Variants in FSTL4 observed in about 807,000 individuals in gnomAD.
FSTL4 encodes the protein follistatin-related protein 4.
In FSTL4, 28 loss-of-function variants were observed where a neutral mutation model predicts 78.2. That is an observed-to-expected ratio of 0.36 (90% CI 0.27 to 0.49). FSTL4 has a LOEUF of 0.49. Among genes scored for constraint, FSTL4 ranks in the 20% least tolerant of loss-of-function variants. FSTL4 has a pLI of 0.98. For missense variants in FSTL4, 922 were observed against 1,084.9 expected (o/e 0.85, Z 2.11); for synonymous variants, 422 against 440.5 (o/e 0.96, Z 0.53).
At chr5:133,589,598 T>C (rs1760582011) in intron 2 of FSTL4, among the ~76,000 whole-genome samples, 1 of 151,940 alleles carries the variant, frequency 6.6e-6, no homozygotes, top group Middle Eastern at 3.2e-3. Context: ...GGAGGGGGAA[T>C]AGGGGCAGAA....
At chr5:133,734,185 G>A in the FSTL4 span, among the ~76,000 whole-genome samples, 11 of 152,292 alleles carry the variant, frequency 7.2e-5, no homozygotes, top group African/African-American at 2.4e-4. Flanking sequence ...CCAAAAATGT[G>A]AGAACATCTT....
At chr5:133,702,011 A>G in the FSTL4 span, among the ~76,000 whole-genome samples, 16 of 152,158 alleles carry the variant, frequency 1.1e-4, no homozygotes, top group Non-Finnish European at 7.4e-5. Flanking sequence ...TGCTCCCTTG[A>G]CAGGCAGCCC....
chr5:133,731,715 C>A, the FSTL4 span, among the ~76,000 whole-genome samples: 3 of 152,086 alleles, frequency 2.0e-5, no homozygotes, highest in Non-Finnish European at 4.4e-5. Flanking sequence ...AGAGGGGCTG[C>A]CGGCCGGCAG....
chr5:133,524,585 A>G lies in FSTL4; in HGVS notation c.160+42601T>C, dbSNP rs981627019. 3.3e-5 allele frequency among the ~76,000 whole-genome samples: 5 copies of G among 152,230 alleles called. No individual in the cohort carries two copies. The East Asian group carries it at 9.6e-4, about 29-fold the overall frequency. ...GAAGCCTGCTGTAGACAGGGGCACC[A>G]CAGAACGTGTGCTTCTTCCAAGCTG... is the stretch of plus-strand genomic sequence containing the variant. On this transcript the variant is annotated intron_variant, in intron 3 of 15. Transcript: ENST00000265342.
the FSTL4 span, among the ~76,000 whole-genome samples, chr5:133,825,316 C>T: frequency 1.6e-3 from 237 of 152,312 alleles, 4 homozygotes; most frequent in East Asian, 0.028. Context: ...GCAGGTCTTT[C>T]AGGTGGGCAC....
At chr5:133,265,520 C>T (rs578167619) in intron 6 of FSTL4, among the ~76,000 whole-genome samples, 1 of 152,318 alleles carries the variant, frequency 6.6e-6, no homozygotes, top group East Asian at 1.9e-4. Context: ...CTGTCTGGGG[C>T]CTCTGGGGCA....
At chr5:133,772,302 C>T in the FSTL4 span, among the ~76,000 whole-genome samples, 15 of 152,256 alleles carry the variant, frequency 9.9e-5, no homozygotes, top group African/African-American at 3.4e-4. Context: ...GGCCATCTCT[C>T]TTATCTTGTC....
Position 133,239,708 on chromosome 5 carries a change from G to A in FSTL4, c.895-6171C>T, listed in dbSNP as rs13153435. 5.8e-3 allele frequency among the ~76,000 whole-genome samples: 885 copies of A among 152,292 alleles called. 5 individuals are homozygous for A. The highest frequency in any genetic ancestry group is 0.014 in the East Asian group (72 of 5,182). Reference sequence around the variant, plus strand: ...AATCAGCACCCTGTGTCTAGCTCAGGGTTTGTGAATGCACCAATCGGCACT... The same window carrying A: ...AATCAGCACCCTGTGTCTAGCTCAGAGTTTGTGAATGCACCAATCGGCACT... On this transcript the variant is annotated intron_variant, in intron 7 of 15. Coordinates refer to ENST00000265342, the MANE Select transcript of FSTL4 (RefSeq NM_015082.2).
the FSTL4 span, among the ~76,000 whole-genome samples, chr5:133,832,260 T>C: frequency 1.3e-5 from 2 of 152,258 alleles, no homozygotes; most frequent in African/African-American, 2.4e-5. Context: ...TAAATGTTTT[T>C]CTTTTTCTCT....
In FSTL4 at chr5:133,299,525, G is replaced by A. The variant is rs183433143; in HGVS notation, c.727+13129C>T. On this transcript the variant is annotated intron_variant, in intron 6 of 15. Coordinates refer to ENST00000265342, the MANE Select transcript of FSTL4 (RefSeq NM_015082.2). ...GAGTCTGGCATGAATTTTCCAAAGTGGACAGTCAGCCTCTGAATGATGGAG... is the reference window on the plus strand; with the variant it reads ...GAGTCTGGCATGAATTTTCCAAAGTAGACAGTCAGCCTCTGAATGATGGAG... Among the ~76,000 whole-genome samples the A allele has an allele frequency of 4.6e-5, 7 of 152,272 alleles. No individual in the cohort carries two copies. The East Asian group carries it at 1.4e-3, about 29-fold the overall frequency.
Position 133,306,327 on chromosome 5 carries a change from C to T in FSTL4, c.727+6327G>A, listed in dbSNP as rs147073198. ...CTAAGCGAGAGCCCTCCTCTGCATA[C>T]GTGGCTGCCGGAGGTAAAGGTAATT... On this transcript the variant is annotated intron_variant, in intron 6 of 15. Coordinates refer to ENST00000265342, the MANE Select transcript of FSTL4 (RefSeq NM_015082.2). Among the ~76,000 whole-genome samples, 69 of 152,318 alleles carry T rather than the reference C, an allele frequency of 4.5e-4. No individual in the cohort carries two copies. The East Asian group carries it at 0.011, about 23-fold the overall frequency.
At chr5:133,418,806 C>T (rs998081753) in intron 3 of FSTL4, among the ~76,000 whole-genome samples, 13 of 152,264 alleles carry the variant, frequency 8.5e-5, no homozygotes, top group South Asian at 2.1e-4. Context: ...TGAAAGGTTT[C>T]GACATATATG....
chr5:133,305,095 G>A (rs1387075197), intron 6 of FSTL4, among the ~76,000 whole-genome samples: 1 of 152,226 alleles, frequency 6.6e-6, no homozygotes, highest in East Asian at 1.9e-4. Flanking sequence ...TAGGTCCTAG[G>A]AGGTCTTAAA....
chr5:133,744,239 T>C, the FSTL4 span, among the ~76,000 whole-genome samples: 11 of 152,320 alleles, frequency 7.2e-5, no homozygotes, highest in East Asian at 2.1e-3. Context: ...CTTTTCTAAG[T>C]TGGAACTTCT....
chr5:133,751,608 G>A, the FSTL4 span, among the ~76,000 whole-genome samples: 1 of 152,186 alleles, frequency 6.6e-6, no homozygotes, highest in Non-Finnish European at 1.5e-5. Context: ...ATGCTCCCAC[G>A]ATCGGTGGGG....
chr5:133,742,941 A>G, the FSTL4 span, among the ~76,000 whole-genome samples: 3 of 152,214 alleles, frequency 2.0e-5, no homozygotes, highest in Admixed American at 6.5e-5. Context: ...ATCCCGCCGG[A>G]AAGTCATCCC....
the FSTL4 span, among the ~76,000 whole-genome samples, chr5:133,735,672 C>T: frequency 6.6e-6 from 1 of 152,060 alleles, no homozygotes; most frequent in African/African-American, 2.4e-5. Flanking sequence ...ACATATTTAC[C>T]AACCTGCTAG....
At chr5:133,686,565 C>T in the FSTL4 span, among the ~76,000 whole-genome samples, 68 of 152,316 alleles carry the variant, frequency 4.5e-4, 1 homozygote, top group African/African-American at 1.5e-3. Context: ...GGATAACTGA[C>T]GTGTATGCCC....
chr5:133,561,090 AAATAATAATAATAATAATAATAAT>A (rs369652665), intron 3 of FSTL4, among the ~76,000 whole-genome samples: 6 of 131,238 alleles, frequency 4.6e-5, no homozygotes, highest in East Asian at 2.2e-4. Context: ...CTCGGACTCA[AAATAATAATAATAATAATAATAAT>A]AATAATAATA....
Sources: gnomAD v4.1 joint callset for allele counts (sites outside exome capture counted in the v4.1 genomes callset) on GRCh38, gnomAD v4.1.1 for gene constraint, MANE v1.5 for transcripts, NCBI Gene and HGNC (gene_info 2026-07-23, HGNC 2026-07-21) for gene names.